Variants in GON4L observed in about 807,000 individuals in gnomAD.
The protein encoded by GON4L is GON-4-like protein.
Under a neutral mutation model 211.8 loss-of-function variants are expected in GON4L, and 87 were observed. The ratio of observed to expected loss-of-function variants is 0.41; its 90% CI spans 0.35 to 0.49. GON4L has a LOEUF of 0.49. Ranked by LOEUF, GON4L falls within the 20% of genes least tolerant of loss-of-function variation. The probability of loss-of-function intolerance (pLI) is 0.15; values close to 1 mark genes in which losing one functional copy is unlikely to be tolerated. For synonymous variants in GON4L, 875 were observed against 962.6 expected (o/e 0.91, Z 1.68); for missense variants, 2,155 against 2,659.5 (o/e 0.81, Z 4.17).
intron 27 of GON4L, 21 bp from the exon 28 acceptor site, chr1:155,754,509 AT>A: frequency 1.4e-6 from 1 of 726,074 alleles, no homozygotes; most frequent in Non-Finnish European, 2.4e-6. Context: ...CTTGGGCTTG[AT>A]TAGCTGCCAA....
At position 155,826,908 on chromosome 1, in the gene GON4L, T is replaced by G. The variant is rs1571875789; in HGVS notation, c.626A>C (p.Glu209Ala). 6.2e-6 allele frequency: 10 copies of G among 1,613,822 alleles called. No individual in the cohort carries two copies. In the East Asian group the frequency reaches 2.2e-4, roughly 36 times the overall value. The change falls in exon 3 of 32, where the codon GAA becomes GCA. Residue 209 changes from glutamate to alanine, a missense_variant. Physicochemically the swap from Glu to Ala is moderately radical, Grantham distance 107. Around this residue, in one of 6 missense-constraint regions of GON4L, gnomAD observed 313 missense variants for 293.2 expected, o/e 1.07. Coordinates refer to ENST00000368331, the MANE Select transcript of GON4L (RefSeq NM_001282860.2). ...GTGAAACAGAGTCCTGAGTGGCTTT[T>G]CTTGAGGAGAGGCACAAACATCTGG... is the stretch of plus-strand genomic sequence containing the variant. ...TQPDVCASPQ[E>A]KPLRTLFHQP...
chr1:155,850,011 A>AG (rs890407312), intron 2 of GON4L, among the ~76,000 whole-genome samples: 1 of 150,072 alleles, frequency 6.7e-6, no homozygotes, highest in Non-Finnish European at 1.5e-5. Context: ...AGAATAAAAG[A>AG]GAAAAAAAGG....
At chr1:155,791,723 C>CCAAGAGTAA (rs1665583020) in intron 12 of GON4L, among the ~76,000 whole-genome samples, 2 of 151,842 alleles carry the variant, frequency 1.3e-5, no homozygotes, top group Admixed American at 6.6e-5. Context: ...CAAAAATTAG[C>CCAAGAGTAA]TGGGCGTGGT....
At chr1:155,837,309 C>G (rs962711995) in intron 2 of GON4L, among the ~76,000 whole-genome samples, 1 of 152,204 alleles carries the variant, frequency 6.6e-6, no homozygotes. Context: ...GCCGCCTGAA[C>G]ACTTTTTTTG....
rs1304502325 is a variant in GON4L, at chr1:155,845,998, C to T, written c.505+7278G>A. 9.7e-6 allele frequency: 2 copies of T among 206,928 alleles called. 1 individual carries two copies. The highest frequency in any genetic ancestry group is 9.2e-5 in the Admixed American group (2 of 21,782). The allele number at this position is 206,928 out of a possible 1,614,324, so 12.8% of individuals were successfully genotyped here. A position where few individuals can be genotyped will look rare whatever the true frequency, so the allele number is the denominator to read the frequency against. Reference sequence around the variant, plus strand: ...CCAAGCTTCTGGGTACCAGAAGCTACCTGGAAAAAGTTGCCACAGGCAAAC... The same window carrying T: ...CCAAGCTTCTGGGTACCAGAAGCTATCTGGAAAAAGTTGCCACAGGCAAAC... On this transcript the variant is annotated intron_variant, in intron 2 of 31. Coordinates refer to ENST00000368331, the MANE Select transcript of GON4L (RefSeq NM_001282860.2).
intron 12 of GON4L, among the ~76,000 whole-genome samples, chr1:155,793,401 T>A (rs1665788316): frequency 6.6e-6 from 1 of 152,214 alleles, no homozygotes; most frequent in African/African-American, 2.4e-5. Flanking sequence ...TAGGTATATC[T>A]TGGATGTTTA....
chr1:155,760,657 T>A lies in GON4L; in HGVS notation c.4912-16A>T, dbSNP rs1198930202. On this transcript the variant is annotated splice_polypyrimidine_tract_variant and intron_variant, in intron 23 of 31. Transcript: ENST00000368331. ...CTTCTCGCACCTACACGGGAAGACT[T>A]TCAATCATCAACACCCTTTATTTGG... is the stretch of plus-strand genomic sequence containing the variant. The A allele has an allele frequency of 6.4e-7, 1 of 1,570,294 alleles. No individual in the cohort carries two copies. The highest frequency in any genetic ancestry group is 1.7e-5 in the Admixed American group (1 of 59,958).
At chr1:155,857,946 T>G (rs985058079), upstream of GON4L, among the ~76,000 whole-genome samples, 2 of 152,226 alleles carry the variant, frequency 1.3e-5, no homozygotes, top group African/African-American at 4.8e-5. Context: ...TCACATTTTC[T>G]TAGGTGACTT....
In GON4L at chr1:155,853,573, G is replaced by C. The variant is rs1214721310; in HGVS notation, c.208C>G (p.Gln70Glu). 1 of 1,614,176 alleles carries C rather than the reference G, an allele frequency of 6.2e-7. No homozygotes were observed. Among genetic ancestry groups the C allele is most frequent in the Non-Finnish European group, 8.5e-7 (1 of 1,180,002 alleles). ...EVQSLQDAGNQLGMEDTSLSS... is the reference protein window; with the variant it reads ...EVQSLQDAGNELGMEDTSLSS... ...AGAGATGTATCCTCCATACCAAGCT[G>C]ATTTCCTGCATCCTGCAAAGACTGT... The change falls in exon 2 of 32, where the codon CAG (glutamine) becomes GAG (glutamate). Residue 70 changes from glutamine (Q) to glutamate (E), a missense_variant. Gln to Glu is a conservative substitution (Grantham distance 29). Around this residue, in one of 6 missense-constraint regions of GON4L, gnomAD observed 313 missense variants for 293.2 expected, o/e 1.07. Transcript: ENST00000368331.
At chr1:155,768,335 G>A (rs1662780192) in intron 19 of GON4L, among the ~76,000 whole-genome samples, 1 of 147,116 alleles carries the variant, frequency 6.8e-6, no homozygotes, top group Admixed American at 6.9e-5. Context: ...GAATAGGCCA[G>A]GCGCAGTGGC....
At chr1:155,796,714 C>T (rs950147942) in intron 11 of GON4L, among the ~76,000 whole-genome samples, 3 of 151,744 alleles carry the variant, frequency 2.0e-5, no homozygotes, top group African/African-American at 4.8e-5. Flanking sequence ...TGTTGTCTAA[C>T]AGAACTTTCT....
downstream of GON4L, among the ~76,000 whole-genome samples, chr1:155,745,647 G>C (rs901172491): frequency 2.0e-5 from 3 of 152,224 alleles, no homozygotes; most frequent in Admixed American, 6.5e-5. Context: ...AGAGAAGCCG[G>C]ACTGGGCCAC....
chr1:155,793,114 G>C (rs914869742), intron 12 of GON4L, among the ~76,000 whole-genome samples: 1 of 151,898 alleles, frequency 6.6e-6, no homozygotes, highest in Non-Finnish European at 1.5e-5. Flanking sequence ...GATTTTCTAG[G>C]TTTTTCTTGT....
At chr1:155,795,456 G>A (rs748448817) in intron 11 of GON4L, among the ~76,000 whole-genome samples, 4 of 152,124 alleles carry the variant, frequency 2.6e-5, no homozygotes, top group Non-Finnish European at 5.9e-5. Context: ...CAGTGAAGCT[G>A]ACAGTGAAAA....
intron 21 of GON4L, chr1:155,764,645 CGGCCA>C (rs1415721971): frequency 9.2e-6 from 5 of 541,714 alleles, no homozygotes; most frequent in Non-Finnish European, 1.6e-5. Context: ...TTTACCACGT[CGGCCA>C]GGCCAGTCTG....
intron 31 of GON4L, among the ~76,000 whole-genome samples, chr1:155,751,249 G>C (rs539995088): frequency 2.6e-5 from 4 of 152,260 alleles, no homozygotes; most frequent in East Asian, 1.9e-4. Context: ...GGAAACTGGG[G>C]CTTCCACTTT....
chr1:155,811,754 CAAAAAA>C (rs145360103), intron 10 of GON4L, among the ~76,000 whole-genome samples: 70 of 33,044 alleles, frequency 2.1e-3, no homozygotes, highest in South Asian at 7.9e-3. Context: ...GACTCTGTCT[CAAAAAA>C]AAAAAAAAAA....
At position 155,815,984 on chromosome 1, in the gene GON4L, A is replaced by AG. The variant is rs1433037448; in HGVS notation, c.1066-85dup. The AG allele has an allele frequency of 3.3e-5, 28 of 856,512 alleles. No homozygotes were observed. The African/African-American group carries it at 4.2e-4, about 13-fold the overall frequency. 53.1% of individuals were successfully genotyped at this position (856,512 alleles called of 1,614,324 possible). ...GGAAAATAAGGGGAAGAAGCAGGGC[A>AG]GAAAAAAAAAAAATCCTAAGAGCAT... On this transcript the variant is annotated intron_variant, in intron 7 of 31. Transcript: ENST00000368331.
At chr1:155,847,151 G>T (rs141566062) in intron 2 of GON4L, among the ~76,000 whole-genome samples, 1 of 152,258 alleles carries the variant, frequency 6.6e-6, no homozygotes, top group African/African-American at 2.4e-5. Context: ...CCGTGAGTTC[G>T]AACCCTTCTG....
Sources: allele counts gnomAD v4.1 joint callset (sites outside exome capture counted in the v4.1 genomes callset), GRCh38; gene constraint gnomAD v4.1.1; regional missense constraint gnomAD v4.1.1; transcripts MANE v1.5; gene names NCBI Gene and HGNC (gene_info 2026-07-23, HGNC 2026-07-21).